Variants in FANCA observed in about 807,000 individuals in gnomAD.
FANCA encodes the protein Fanconi anemia group A protein.
Under a neutral mutation model 194.3 loss-of-function variants are expected in FANCA, and 236 were observed. The observed-to-expected ratio is 1.21, with a 90% CI of 1.09 to 1.35. The LOEUF (loss-of-function observed/expected upper bound fraction) is 1.35, where lower values mean the gene tolerates loss of function less well. Ranked by LOEUF, FANCA falls within the 40% of genes most tolerant of loss-of-function variation. The pLI, the probability that FANCA is intolerant of heterozygous loss-of-function variation, is 0.00. For missense variants in FANCA, 2,628 were observed against 1,813.9 expected, an observed-to-expected ratio of 1.45 and a Z score of -8.15; for synonymous variants, 1,014 against 715.8, an observed-to-expected ratio of 1.42 and a Z score of -6.65.
chr16:89,769,734 G>C lies in FANCA; in HGVS notation c.2504+103C>G, dbSNP rs1291545461. ...AAAATGCTAAAAAGTGGTTATCTTT[G>C]GGTGGTATGTCTGCATGTCTGTCTC... On this transcript the variant is annotated intron_variant, in intron 26 of 42. Transcript: ENST00000389301. 6 of 1,323,548 alleles carry C rather than the reference G, an allele frequency of 4.5e-6. No individual in the cohort carries two copies. In the African/African-American group the frequency reaches 5.9e-5, roughly 13 times the overall value. The allele number at this position is 1,323,548 out of a possible 1,614,324, so 82.0% of individuals were successfully genotyped here.
At chr16:89,792,696 A>G (rs2040118186) in intron 11 of FANCA, 149 bp from the exon 12 acceptor site, 6 of 682,284 alleles carry the variant, frequency 8.8e-6, no homozygotes, top group African/African-American at 1.8e-5. Flanking sequence ...CAAAGAGATA[A>G]AAGACAAGAC....
chr16:89,756,055 A>G (rs1225665807), intron 30 of FANCA, among the ~76,000 whole-genome samples: 36 of 152,224 alleles, frequency 2.4e-4, no homozygotes, highest in Admixed American at 2.4e-3. Flanking sequence ...GTATCTAAAC[A>G]TAGAAAAGGT....
chr16:89,757,516 T>C (rs562635809), intron 30 of FANCA, among the ~76,000 whole-genome samples: 104 of 152,326 alleles, frequency 6.8e-4, no homozygotes, highest in Non-Finnish European at 1.1e-3. Flanking sequence ...CATGATTCTG[T>C]TGATATTAAA....
intron 14 of FANCA, among the ~76,000 whole-genome samples, chr16:89,786,608 C>G (rs2039906332): frequency 6.6e-6 from 1 of 152,212 alleles, no homozygotes; most frequent in South Asian, 2.1e-4. Context: ...TGAACTATCA[C>G]ACCTGACCAT....
At chr16:89,742,010 G>C (rs756634469) in intron 37 of FANCA, among the ~76,000 whole-genome samples, 1 of 151,592 alleles carries the variant, frequency 6.6e-6, no homozygotes, top group Non-Finnish European at 1.5e-5. Flanking sequence ...CTGTCACCCA[G>C]ACTGCAGGGC....
intron 30 of FANCA, among the ~76,000 whole-genome samples, chr16:89,754,969 G>T (rs1176789221): frequency 1.3e-5 from 2 of 152,080 alleles, no homozygotes; most frequent in Non-Finnish European, 2.9e-5. Context: ...CAAGTTGGAG[G>T]CCTCACACTT....
chr16:89,764,932 T>G lies in FANCA; in HGVS notation c.2736A>C (p.Thr912=). The G allele has an allele frequency of 6.2e-7, 1 of 1,614,188 alleles. No homozygotes were observed. The highest frequency in any genetic ancestry group is 8.5e-7 in the Non-Finnish European group (1 of 1,180,030). ...TCAACACCTCTCGGAAGGTTCTGTG[T>G]GTCCAGAGAGAGAGGGCAGCTCTCT... ...DWQRAALSLW[T]HRTFREVLKE... The change falls in exon 28 of 43, where the codon ACA becomes ACC. Residue 912 remains threonine (T), a synonymous_variant. Transcript: ENST00000389301.
rs1193622990 is a variant in FANCA, at chr16:89,770,187, G to C, written c.2295C>G (p.Leu765=). The change falls in exon 25 of 43, where the codon CTC becomes CTG. Residue 765 remains leucine, a synonymous_variant. Coordinates refer to ENST00000389301, the MANE Select transcript of FANCA (RefSeq NM_000135.4). ...GRVLPAVLTR[L]CQLLRHQGPS... The stretch of plus-strand genomic sequence containing the variant: ...TCACCTGGTGACGGAGCAGCTGGCA[G>C]AGCCGGGTGAGCACTGCAGGGAGCA... 1.9e-6 allele frequency: 3 copies of C among 1,592,416 alleles called. No individual in the cohort carries two copies. The highest frequency in any genetic ancestry group is 2.3e-5 in the East Asian group (1 of 44,186).
At chr16:89,783,231 G>C (rs1413504581) in intron 15 of FANCA, 129 bp from the exon 16 acceptor site, 7 of 742,516 alleles carry the variant, frequency 9.4e-6, no homozygotes, top group Admixed American at 6.0e-5. Context: ...TCAGACTTAT[G>C]AGTATGCAAA....
Position 89,742,895 on chromosome 16 carries a change from A to T in FANCA, c.3670T>A (p.Trp1224Arg). The T allele has an allele frequency of 6.2e-7, 1 of 1,614,186 alleles. No individual in the cohort carries two copies. The highest frequency in any genetic ancestry group is 8.5e-7 in the Non-Finnish European group (1 of 1,180,026). ...EAASPAPNPD[W>R]LSAAALHFAI... ...AAGTGCAGTGCAGCAGCTGAGAGCC[A>T]GTCCGGGTTGGGTGCTGGGGAGGCA... Residue 1224 changes from tryptophan to arginine, a missense_variant, in exon 37 of 43, where the codon TGG (tryptophan) becomes AGG (arginine). Transcript: ENST00000389301.
intron 5 of FANCA, among the ~76,000 whole-genome samples, chr16:89,808,910 A>ATT (rs112058471): frequency 0.013 from 1,818 of 140,632 alleles, 41 homozygotes; most frequent in South Asian, 0.099. Flanking sequence ...CTCACACTCT[A>ATT]TTTTTTTTTT....
At position 89,740,134 on chromosome 16, in the gene FANCA, C is replaced by T. The variant is rs778331372; in HGVS notation, c.3829-35G>A. 32 of 1,548,560 alleles carry T rather than the reference C, an allele frequency of 2.1e-5. 1 individual carries two copies. Among genetic ancestry groups the T allele is most frequent in the Admixed American group, 2.0e-4 (12 of 59,912 alleles). On this transcript the variant is annotated intron_variant, in intron 38 of 42. Transcript: ENST00000389301. The stretch of plus-strand genomic sequence containing the variant: ...GCAGGAGACCAACCCTGAGAATGGC[C>T]GACCTGGTGCTCCCATGGGTAGGAG...
rs1490352414 is a variant in FANCA, at chr16:89,770,179, A to G, written c.2303T>C (p.Leu768Pro). 1.1e-5 allele frequency: 17 copies of G among 1,591,582 alleles called. No homozygotes were observed. Among genetic ancestry groups the G allele is most frequent in the Non-Finnish European group, 1.4e-5 (16 of 1,169,596 alleles). ...GGAGAGCCTCACCTGGTGACGGAGC[A>G]GCTGGCAGAGCCGGGTGAGCACTGC... ...LPAVLTRLCQ[L>P]LRHQGPSLSA... The change falls in exon 25 of 43, where the codon CTG becomes CCG. Residue 768 changes from leucine (L) to proline (P), a missense_variant. Physicochemically the swap from Leu to Pro is moderately conservative, Grantham distance 98 (BLOSUM62 -3). Coordinates refer to ENST00000389301, the MANE Select transcript of FANCA (RefSeq NM_000135.4).
At chr16:89,756,953 A>G (rs2038787582) in intron 30 of FANCA, among the ~76,000 whole-genome samples, 1 of 152,198 alleles carries the variant, frequency 6.6e-6, no homozygotes, top group African/African-American at 2.4e-5. Context: ...TGCTCTGTGA[A>G]TCTAACCGCT....
intron 28 of FANCA, chr16:89,762,756 A>G (rs2038994896): frequency 4.4e-6 from 2 of 453,092 alleles, no homozygotes; most frequent in South Asian, 1.6e-5. Flanking sequence ...TCAGCCTCTC[A>G]GATGGCTGGG....
chr16:89,812,590 G>A (rs2040928878), intron 3 of FANCA, among the ~76,000 whole-genome samples: 2 of 142,874 alleles, frequency 1.4e-5, no homozygotes, highest in Non-Finnish European at 3.0e-5. Flanking sequence ...AGGTTGCGGT[G>A]AGTCGAGATC....
At position 89,811,114 on chromosome 16, in the gene FANCA, G is replaced by C. The variant is rs370084110; in HGVS notation, c.284-43C>G. Reference sequence around the variant, plus strand: ...ACCATAGCTTTCTCTTAACACATGAGACAAAATCTAAAACCAAAGACTTGC... The same window carrying C: ...ACCATAGCTTTCTCTTAACACATGACACAAAATCTAAAACCAAAGACTTGC... On this transcript the variant is annotated intron_variant, in intron 3 of 42. Coordinates refer to ENST00000389301, the MANE Select transcript of FANCA (RefSeq NM_000135.4). 9 of 1,612,640 alleles carry C rather than the reference G, an allele frequency of 5.6e-6. 1 individual carries two copies. In the African/African-American group the frequency reaches 8.0e-5, roughly 14 times the overall value.
intron 39 of FANCA, 176 bp from the exon 40 acceptor site, chr16:89,739,729 G>A (rs991302834): frequency 1.1e-5 from 16 of 1,499,176 alleles, no homozygotes; most frequent in Non-Finnish European, 1.4e-5. Flanking sequence ...GGAGAGGATG[G>A]GGGGGTCGAC....
rs1287953239 is a variant in FANCA at position 89,792,472 on chromosome 16, C to G, written c.1082G>C (p.Arg361Thr). The G allele has an allele frequency of 3.7e-6, 6 of 1,613,030 alleles. No individual in the cohort carries two copies. Among genetic ancestry groups the G allele is most frequent in the Admixed American group, 3.3e-5 (2 of 59,998 alleles). Residue 361 changes from arginine to threonine, a missense_variant and splice_region_variant, in exon 12 of 43, where the codon AGG (arginine) becomes ACG (threonine). Arg to Thr is a moderately conservative substitution (Grantham distance 71, BLOSUM62 -1). Transcript: ENST00000389301. The stretch of plus-strand genomic sequence containing the variant: ...AGGTATAATACCACATCCACTCACC[C>G]TGCGGTACAGTGAGGTGAGCAGAGG... ...THPLLTSLYRRLFVMLSAEEL... is the reference protein window; with the variant it reads ...THPLLTSLYRTLFVMLSAEEL...
Sources: allele counts gnomAD v4.1 joint callset (sites outside exome capture counted in the v4.1 genomes callset), GRCh38; gene constraint gnomAD v4.1.1; transcripts MANE v1.5; gene names NCBI Gene and HGNC (gene_info 2026-07-23, HGNC 2026-07-21).